Variants in CPNE8 observed in about 807,000 individuals in gnomAD.
The protein encoded by CPNE8 is copine 8.
A neutral mutation model predicts 81.5 loss-of-function variants in CPNE8; 45 were observed. That is an observed-to-expected ratio of 0.55 (90% CI 0.44 to 0.71). CPNE8 has a LOEUF of 0.71. Among genes scored for constraint, CPNE8 ranks in the 30% least tolerant of loss-of-function variants. The probability of loss-of-function intolerance (pLI) is 0.00; values close to 1 mark genes in which losing one functional copy is unlikely to be tolerated. For synonymous variants in CPNE8, 252 were observed against 226.3 expected (o/e 1.11, Z -1.02); for missense variants, 594 against 672.1 (o/e 0.88, Z 1.28).
At chr12:38,873,329 A>C (rs762222068) in intron 2 of CPNE8, among the ~76,000 whole-genome samples, 13 of 152,192 alleles carry the variant, frequency 8.5e-5, no homozygotes, top group Non-Finnish European at 1.3e-4. Context: ...TTCATATATA[A>C]ATTTTAAAAC....
chr12:38,666,703 AAAG>A (rs1352736476), intron 19 of CPNE8, among the ~76,000 whole-genome samples: 7 of 152,178 alleles, frequency 4.6e-5, no homozygotes, highest in Admixed American at 2.0e-4. Context: ...GTATTTAGCT[AAAG>A]AAGAGCTTGA....
chr12:38,820,171 C>T (rs1310054997), intron 6 of CPNE8, among the ~76,000 whole-genome samples: 6 of 152,078 alleles, frequency 3.9e-5, no homozygotes, highest in East Asian at 1.9e-4. Context: ...CTTTGGGAGG[C>T]GAAGATGGGG....
chr12:38,734,950 A>T (rs1940919090), intron 10 of CPNE8, among the ~76,000 whole-genome samples: 1 of 152,132 alleles, frequency 6.6e-6, no homozygotes, highest in African/African-American at 2.4e-5. Flanking sequence ...TTCACAAGGC[A>T]TGTCTCCCCT....
At chr12:38,846,709 C>T (rs1473640459) in intron 4 of CPNE8, among the ~76,000 whole-genome samples, 1 of 152,058 alleles carries the variant, frequency 6.6e-6, no homozygotes, top group Non-Finnish European at 1.5e-5. Flanking sequence ...TAGAACCAGA[C>T]AGTGGGTACT....
intron 19 of CPNE8, among the ~76,000 whole-genome samples, chr12:38,657,631 G>A (rs777818095): frequency 5.9e-5 from 9 of 152,114 alleles, no homozygotes; most frequent in East Asian, 1.9e-4. Context: ...AGTAGGGGCC[G>A]ATAGACACCT....
chr12:38,705,072 A>G (rs141805501), intron 13 of CPNE8, among the ~76,000 whole-genome samples: 2,172 of 151,670 alleles, frequency 0.014, 18 homozygotes, highest in South Asian at 0.025. Context: ...TGCTATAAAT[A>G]CTGTAATAAC....
At chr12:38,797,443 T>C (rs570533154) in intron 6 of CPNE8, among the ~76,000 whole-genome samples, 1 of 152,294 alleles carries the variant, frequency 6.6e-6, no homozygotes, top group African/African-American at 2.4e-5. Flanking sequence ...AAACAGGGTC[T>C]GGAGTGGACC....
intron 6 of CPNE8, among the ~76,000 whole-genome samples, chr12:38,800,923 T>A: frequency 7.8e-6 from 1 of 128,280 alleles, no homozygotes; most frequent in Non-Finnish European, 1.6e-5. Flanking sequence ...GAAGATGAAA[T>A]GAATGAAATG....
chr12:38,704,916 G>GT (rs71068574), intron 13 of CPNE8, among the ~76,000 whole-genome samples: 6,891 of 95,272 alleles, frequency 0.072, 703 homozygotes, highest in East Asian at 0.35. Flanking sequence ...AATTAGTTTA[G>GT]TTTTTTTTTT....
At chr12:38,884,273 A>C (rs1944207284) in intron 1 of CPNE8, among the ~76,000 whole-genome samples, 1 of 152,184 alleles carries the variant, frequency 6.6e-6, no homozygotes. Context: ...ATTTCATGTA[A>C]ATAGAATCAT....
At chr12:38,809,837 G>A (rs1942897403) in intron 6 of CPNE8, among the ~76,000 whole-genome samples, 1 of 152,120 alleles carries the variant, frequency 6.6e-6, no homozygotes, top group Admixed American at 6.5e-5. Flanking sequence ...GGGACCTGTG[G>A]CTGTAAAGAA....
At chr12:38,684,079 T>G (rs1261223127) in intron 16 of CPNE8, among the ~76,000 whole-genome samples, 1 of 152,166 alleles carries the variant, frequency 6.6e-6, no homozygotes, top group African/African-American at 2.4e-5. Flanking sequence ...CATTTTTCTC[T>G]TATCTTTTTA....
chr12:38,781,839 A>C (rs771281443), intron 6 of CPNE8, among the ~76,000 whole-genome samples: 2 of 152,120 alleles, frequency 1.3e-5, no homozygotes, highest in African/African-American at 2.4e-5. Context: ...AACCATGAGA[A>C]AAACATCACA....
chr12:38,682,864 G>C (rs1939441618), intron 16 of CPNE8, among the ~76,000 whole-genome samples: 1 of 152,130 alleles, frequency 6.6e-6, no homozygotes, highest in African/African-American at 2.4e-5. Flanking sequence ...TTGAATACTG[G>C]ATGTTCTTGA....
chr12:38,774,718 A>C (rs536627083), intron 7 of CPNE8, among the ~76,000 whole-genome samples: 1 of 152,246 alleles, frequency 6.6e-6, no homozygotes, highest in East Asian at 1.9e-4. Context: ...TTGATTAGAC[A>C]AAGTACAAAT....
intron 3 of CPNE8, among the ~76,000 whole-genome samples, chr12:38,865,093 G>A (rs1195702703): frequency 2.6e-5 from 4 of 151,986 alleles, no homozygotes; most frequent in South Asian, 2.1e-4. Flanking sequence ...AGTAATCATC[G>A]GCAAATCAAA....
At chr12:38,876,239 C>A (rs1944064330) in intron 1 of CPNE8, among the ~76,000 whole-genome samples, 2 of 152,030 alleles carry the variant, frequency 1.3e-5, no homozygotes, top group South Asian at 4.2e-4. Flanking sequence ...TTGAGACGAA[C>A]TTTCACTCGT....
intron 5 of CPNE8, among the ~76,000 whole-genome samples, chr12:38,833,351 CA>C (rs774534221): frequency 0.14 from 8,450 of 61,930 alleles, 418 homozygotes; most frequent in African/African-American, 0.33. Context: ...GACCTTATCT[CA>C]AAAAAAAAAA....
At chr12:38,799,706 C>T (rs559440717) in intron 6 of CPNE8, among the ~76,000 whole-genome samples, 57 of 151,622 alleles carry the variant, frequency 3.8e-4, no homozygotes, top group East Asian at 3.7e-3. Flanking sequence ...GCGTGAGCGA[C>T]GCAGAAGACG....
Sources: allele counts gnomAD v4.1 joint callset (sites outside exome capture counted in the v4.1 genomes callset), GRCh38; gene constraint gnomAD v4.1.1; transcripts MANE v1.5; gene names NCBI Gene and HGNC (gene_info 2026-07-23, HGNC 2026-07-21).